The following ARHGAP39 variants were observed in gnomAD, a reference collection of about 807,000 sequenced individuals.
ARHGAP39 encodes the protein Rho GTPase activating protein 39, also known as rho GTPase-activating protein 39.
ARHGAP39 carries 44 observed loss-of-function variants against 106.9 expected under a neutral mutation model. The ratio of observed to expected loss-of-function variants is 0.41; its 90% confidence interval spans 0.32 to 0.53. The LOEUF (loss-of-function observed/expected upper bound fraction) is 0.53. ARHGAP39 is among the 20% of genes least tolerant of loss of function. The pLI, the probability that ARHGAP39 is intolerant of heterozygous loss-of-function variation, is 0.21. For missense variants in ARHGAP39, 1,496 were observed against 1,577.3 expected, an observed-to-expected ratio of 0.95 and a Z score of 0.87; for synonymous variants, 768 against 693.2, an observed-to-expected ratio of 1.11 and a Z score of -1.69.
At chr8:144,616,278 G>A (rs1820633796) in intron 1 of ARHGAP39, among the ~76,000 whole-genome samples, 1 of 152,220 alleles carries the variant, frequency 6.6e-6, no homozygotes. Flanking sequence ...CTGTGTCCAT[G>A]GTCAAAAGAG....
chr8:144,532,272 C>T (rs369438966), intron 10 of ARHGAP39, 33 bp downstream of exon 10: 56 of 1,605,012 alleles, frequency 3.5e-5, no homozygotes, highest in Non-Finnish European at 4.6e-5. Context: ...CTGAGCCAGG[C>T]CCGCTCTGCT....
chr8:144,667,187 C>T (rs371837533), intron 1 of ARHGAP39, among the ~76,000 whole-genome samples: 1 of 152,336 alleles, frequency 6.6e-6, no homozygotes, highest in South Asian at 2.1e-4. Flanking sequence ...ACCCGCACCC[C>T]CATTGCCTGT....
At chr8:144,573,343 A>G (rs537150599) in intron 3 of ARHGAP39, among the ~76,000 whole-genome samples, 1 of 152,266 alleles carries the variant, frequency 6.6e-6, no homozygotes, top group Admixed American at 6.5e-5. Flanking sequence ...ATTCTGAGCA[A>G]ACTATCACAA....
chr8:144,643,541 C>T (rs1186729236), intron 1 of ARHGAP39, among the ~76,000 whole-genome samples: 1 of 152,162 alleles, frequency 6.6e-6, no homozygotes, highest in African/African-American at 2.4e-5. Flanking sequence ...GTTCTCACCC[C>T]GCATGTCCCC....
chr8:144,539,647 G>T (rs1300048826), intron 6 of ARHGAP39, among the ~76,000 whole-genome samples: 1 of 152,186 alleles, frequency 6.6e-6, no homozygotes, highest in Non-Finnish European at 1.5e-5. Context: ...GGTTTTCCCA[G>T]CATCATCGAA....
chr8:144,613,245 T>C (rs1021979711), intron 1 of ARHGAP39, among the ~76,000 whole-genome samples: 1 of 152,242 alleles, frequency 6.6e-6, no homozygotes, highest in Non-Finnish European at 1.5e-5. Context: ...TCTTAAACAA[T>C]TACATTTTAG....
chr8:144,611,375 T>C (rs1820484295), intron 1 of ARHGAP39, among the ~76,000 whole-genome samples: 1 of 152,188 alleles, frequency 6.6e-6, no homozygotes, highest in African/African-American at 2.4e-5. Flanking sequence ...GCCAATCGGA[T>C]CAGGCTGGTT....
In ARHGAP39 at chr8:144,547,470, G is replaced by A. The variant is rs1389208034; in HGVS notation, c.1616C>T (p.Ala539Val). ...CGTSLAPVKR[A>V]EGEAEGARGA... Reference sequence around the variant, plus strand: ...CCGCGCCCCTTCGGCCTCACCTTCCGCTCGCTTCACGGGGGCGAGGCTGGT... The same window carrying A: ...CCGCGCCCCTTCGGCCTCACCTTCCACTCGCTTCACGGGGGCGAGGCTGGT... The change falls in exon 5 of 12, where the codon GCG (alanine) becomes GTG (valine). Residue 539 changes from alanine to valine, a missense_variant. Around this residue, in one of 4 missense-constraint regions of ARHGAP39, gnomAD observed 905 missense variants for 816.4 expected, o/e 1.11. Coordinates refer to ENST00000377307, the MANE Select transcript of ARHGAP39 (RefSeq NM_025251.3). The surrounding 1 kb of genome is among the most constrained non-coding windows in gnomAD (Gnocchi z 5.2). The A allele has an allele frequency of 1.9e-6, 3 of 1,549,278 alleles. No individual in the cohort carries two copies. The highest frequency in any genetic ancestry group is 1.2e-5 in the South Asian group (1 of 85,068).
rs756710619 is a variant in ARHGAP39 at position 144,545,761 on chromosome 8, C to T, written c.2009G>A (p.Arg670His). The part of the protein sequence containing the change: ...CAQFESSRQS[R>H]SGVPSSSCVF... The stretch of plus-strand genomic sequence containing the variant: ...GCAGCTGGAGCTGGGAACGCCGCTG[C>T]GGCTCTGCCGGCTGCTCTCGAACTG... Residue 670 changes from arginine to histidine, a missense_variant, in exon 6 of 12, where the codon CGC becomes CAC. Around this residue, in one of 4 missense-constraint regions of ARHGAP39, gnomAD observed 905 missense variants for 816.4 expected, o/e 1.11. Transcript: ENST00000377307. 8 of 1,599,758 alleles carry T rather than the reference C, an allele frequency of 5.0e-6. No homozygotes were observed. Among genetic ancestry groups the T allele is most frequent in the African/African-American group, 2.7e-5 (2 of 74,712 alleles).
chr8:144,667,901 C>G (rs1046517108), intron 1 of ARHGAP39, among the ~76,000 whole-genome samples: 1 of 152,206 alleles, frequency 6.6e-6, no homozygotes, highest in Non-Finnish European at 1.5e-5. Context: ...CAACATTTAT[C>G]TTCAAAACAT....
chr8:144,555,732 C>A, intron 3 of ARHGAP39, 89 bp from the exon 4 acceptor site: 1 of 1,138,216 alleles, frequency 8.8e-7, no homozygotes, highest in Non-Finnish European at 1.3e-6. Flanking sequence ...TGTGGCACTG[C>A]CACCTCAATT....
At chr8:144,692,915 A>G in the ARHGAP39 span, among the ~76,000 whole-genome samples, 1 of 151,366 alleles carries the variant, frequency 6.6e-6, no homozygotes, top group African/African-American at 2.4e-5. Flanking sequence ...ATGTGCCAGC[A>G]TGCCTGGCTA....
intron 2 of ARHGAP39, among the ~76,000 whole-genome samples, chr8:144,588,778 C>T (rs984018053): frequency 9.2e-5 from 14 of 152,260 alleles, no homozygotes; most frequent in Non-Finnish European, 1.6e-4. Flanking sequence ...CCATGGCCAA[C>T]GTGGGCAGGA....
chr8:144,603,710 C>CCAAAAAG (rs1452341852), intron 2 of ARHGAP39, among the ~76,000 whole-genome samples: 16 of 149,740 alleles, frequency 1.1e-4, no homozygotes. Context: ...AAAAAAGAGG[C>CCAAAAAG]CAAAAAGCAA....
At chr8:144,631,408 C>G (rs1007551094) in intron 1 of ARHGAP39, among the ~76,000 whole-genome samples, 3 of 152,256 alleles carry the variant, frequency 2.0e-5, no homozygotes, top group African/African-American at 7.2e-5. Flanking sequence ...TCATTCCCGC[C>G]ATCACACCTT....
intron 2 of ARHGAP39, among the ~76,000 whole-genome samples, chr8:144,601,506 A>G (rs1483964984): frequency 5.0e-5 from 3 of 60,230 alleles, no homozygotes; most frequent in Non-Finnish European, 6.3e-5. Context: ...GTGTGCGTGG[A>G]GGCATGTGTG....
At chr8:144,599,364 G>A (rs776419728) in intron 2 of ARHGAP39, among the ~76,000 whole-genome samples, 4 of 152,140 alleles carry the variant, frequency 2.6e-5, no homozygotes, top group Non-Finnish European at 5.9e-5. Context: ...GATGTCTAGG[G>A]GATGTTTTAA....
chr8:144,607,690 T>C (rs114285854), intron 1 of ARHGAP39, among the ~76,000 whole-genome samples: 42 of 152,256 alleles, frequency 2.8e-4, no homozygotes, highest in Non-Finnish European at 4.3e-4. Flanking sequence ...TGCAGGCCAA[T>C]TGGAAACTTT....
At chr8:144,699,110 C>G in the ARHGAP39 span, 1 of 320,990 alleles carries the variant, frequency 3.1e-6, no homozygotes, top group Non-Finnish European at 6.1e-6. Context: ...CCCAGCCTCT[C>G]AGGCGCTGGG....
Sources: gnomAD v4.1 joint callset for allele counts (sites outside exome capture counted in the v4.1 genomes callset) on GRCh38, gnomAD v4.1.1 for gene constraint, gnomAD v4.1.1 regional missense constraint, Gnocchi (gnomAD v3.1) non-coding constraint, MANE v1.5 for transcripts, NCBI Gene and HGNC (gene_info 2026-07-23, HGNC 2026-07-21) for gene names.